Variants in TMEM131 observed in about 807,000 individuals in gnomAD.
TMEM131 encodes the protein transmembrane protein 131.
Under a neutral mutation model 211.6 loss-of-function variants are expected in TMEM131, and 66 were observed. That is an observed-to-expected ratio of 0.31 (90% CI 0.26 to 0.38). TMEM131 has a LOEUF of 0.38. Among genes scored for constraint, TMEM131 ranks in the 10% least tolerant of loss-of-function variants. TMEM131 has a pLI of 1.00. For missense variants in TMEM131, 2,036 were observed against 2,299.3 expected (o/e 0.89, Z 2.34); for synonymous variants, 844 against 841.3 (o/e 1.00, Z -0.06).
At chr2:97,858,272 T>C (rs189375187) in intron 5 of TMEM131, among the ~76,000 whole-genome samples, 1 of 152,360 alleles carries the variant, frequency 6.6e-6, no homozygotes, top group East Asian at 1.9e-4. Context: ...ATTCATTTAC[T>C]TCCCTCTGAT....
chr2:97,877,484 T>A (rs984338111), intron 4 of TMEM131, among the ~76,000 whole-genome samples: 1 of 152,044 alleles, frequency 6.6e-6, no homozygotes, highest in Non-Finnish European at 1.5e-5. Flanking sequence ...ACGAAAACAG[T>A]ATGGTACTGG....
intron 1 of TMEM131, among the ~76,000 whole-genome samples, chr2:97,964,654 T>C (rs1559478968): frequency 6.6e-6 from 1 of 152,124 alleles, no homozygotes; most frequent in Non-Finnish European, 1.5e-5. Context: ...GAAAAACACA[T>C]CGAAACAGAA....
intron 1 of TMEM131, among the ~76,000 whole-genome samples, chr2:97,931,253 A>G (rs1330189136): frequency 6.6e-6 from 1 of 151,838 alleles, no homozygotes; most frequent in African/African-American, 2.4e-5. Context: ...AGTAAGATCT[A>G]CTTTAAGCTC....
intron 29 of TMEM131, among the ~76,000 whole-genome samples, chr2:97,794,638 T>C (rs756950866): frequency 2.6e-5 from 4 of 152,222 alleles, no homozygotes; most frequent in Non-Finnish European, 5.9e-5. Flanking sequence ...GTTAAGTATA[T>C]TATATATATG....
chr2:97,963,719 A>AAAAT, intron 1 of TMEM131, among the ~76,000 whole-genome samples: 2 of 152,206 alleles, frequency 1.3e-5, no homozygotes. Context: ...TCCATCTCAA[A>AAAAT]AAATAAATAA....
At chr2:97,797,225 C>G in intron 26 of TMEM131, 140 bp downstream of exon 26, 1 of 888,510 alleles carries the variant, frequency 1.1e-6, no homozygotes, top group Non-Finnish European at 1.7e-6. Flanking sequence ...TATGTTTCAT[C>G]AGGCATGGAG....
chr2:97,777,979 G>A (rs1416353999), intron 31 of TMEM131, among the ~76,000 whole-genome samples: 2 of 152,196 alleles, frequency 1.3e-5, no homozygotes, highest in East Asian at 1.9e-4. Flanking sequence ...TACATTCTGA[G>A]AGTTCAACAG....
At chr2:97,922,957 A>G (rs1365549003) in intron 2 of TMEM131, among the ~76,000 whole-genome samples, 1 of 152,246 alleles carries the variant, frequency 6.6e-6, no homozygotes, top group Non-Finnish European at 1.5e-5. Context: ...AAGGCTCAAT[A>G]TAGGTTCTCT....
chr2:97,830,132 T>TAAAAAAAAA (rs60531384), intron 11 of TMEM131, among the ~76,000 whole-genome samples: 7 of 72,316 alleles, frequency 9.7e-5, no homozygotes, highest in African/African-American at 1.7e-4. Flanking sequence ...CATTATCAGT[T>TAAAAAAAAA]AAAAAAAAAA....
chr2:97,976,664 A>G (rs747875370), intron 1 of TMEM131, among the ~76,000 whole-genome samples: 1 of 152,296 alleles, frequency 6.6e-6, no homozygotes, highest in Non-Finnish European at 1.5e-5. Flanking sequence ...CTGATTCTAA[A>G]ATTCATAATG....
chr2:97,766,226 T>C lies in TMEM131; in HGVS notation c.4611A>G (p.Leu1537=), dbSNP rs750257334. 4 of 1,614,094 alleles carry C rather than the reference T, an allele frequency of 2.5e-6. No homozygotes were observed. In the Admixed American group the frequency reaches 5.0e-5, roughly 20 times the overall value. ...SKLVDNRPPA[L]AKFLPNSQEL... Reference sequence around the variant, plus strand: ...CTTGACTATTCGGGAGGAATTTTGCTAGGGCAGGTGGTCTGTTATCCACTA... The same window carrying C: ...CTTGACTATTCGGGAGGAATTTTGCCAGGGCAGGTGGTCTGTTATCCACTA... The change falls in exon 35 of 41, where the codon CTA becomes CTG. Residue 1537 remains leucine (L), a synonymous_variant. Coordinates refer to ENST00000186436, the MANE Select transcript of TMEM131 (RefSeq NM_015348.2).
chr2:97,842,270 A>G (rs1191388307), intron 6 of TMEM131, among the ~76,000 whole-genome samples: 1 of 152,220 alleles, frequency 6.6e-6, no homozygotes, highest in Admixed American at 6.5e-5. Flanking sequence ...TACGGCCCAG[A>G]CAACCTCTCA....
rs748247355 is a variant in TMEM131 at position 97,796,244 on chromosome 2, G to A, written c.3174C>T (p.Ala1058=). The change falls in exon 28 of 41, where the codon GCC becomes GCT. Residue 1058 remains alanine (A), a synonymous_variant. Coordinates refer to ENST00000186436, the MANE Select transcript of TMEM131 (RefSeq NM_015348.2). ...ATATGATTATATCTCTAGAAGCATT[G>A]GCACTTAGAGTAAACTCTTGACAAT... ...VVNCQEFTLS[A]NASRDIIILF... 6 of 1,562,430 alleles carry A rather than the reference G, an allele frequency of 3.8e-6. No individual in the cohort carries two copies. The East Asian group carries it at 9.3e-5, about 24-fold the overall frequency.
At chr2:97,955,526 C>T (rs1488564118) in intron 1 of TMEM131, among the ~76,000 whole-genome samples, 1 of 152,048 alleles carries the variant, frequency 6.6e-6, no homozygotes, top group Non-Finnish European at 1.5e-5. Context: ...ATGATACGAT[C>T]GTTTACATGG....
At chr2:97,804,273 A>G (rs1041641482) in intron 22 of TMEM131, among the ~76,000 whole-genome samples, 1 of 152,064 alleles carries the variant, frequency 6.6e-6, no homozygotes, top group Non-Finnish European at 1.5e-5. Context: ...TGCAGTATTG[A>G]TTTGTCATTA....
chr2:97,956,817 G>A (rs531545690), intron 1 of TMEM131, among the ~76,000 whole-genome samples: 10 of 151,994 alleles, frequency 6.6e-5, no homozygotes, highest in Admixed American at 4.6e-4. Flanking sequence ...ATCCAACAGC[G>A]GCTGGGCACG....
At chr2:97,966,086 CAG>C (rs1434429335) in intron 1 of TMEM131, among the ~76,000 whole-genome samples, 1 of 151,268 alleles carries the variant, frequency 6.6e-6, no homozygotes, top group Non-Finnish European at 1.5e-5. Flanking sequence ...ATCATTTTGA[CAG>C]GGGTATATTT....
At chr2:97,830,995 T>C (rs1254539154) in intron 11 of TMEM131, among the ~76,000 whole-genome samples, 1 of 152,242 alleles carries the variant, frequency 6.6e-6, no homozygotes, top group Admixed American at 6.5e-5. Context: ...TGGTGAATTA[T>C]GCAGAAAATG....
intron 5 of TMEM131, among the ~76,000 whole-genome samples, chr2:97,849,531 G>C (rs1683601061): frequency 6.6e-6 from 1 of 152,086 alleles, no homozygotes. Flanking sequence ...AGTGGTTTGA[G>C]TTGACCAAAT....
Sources: gnomAD v4.1 joint callset for allele counts (sites outside exome capture counted in the v4.1 genomes callset) on GRCh38, gnomAD v4.1.1 for gene constraint, MANE v1.5 for transcripts, NCBI Gene and HGNC (gene_info 2026-07-23, HGNC 2026-07-21) for gene names.